The following SLF2 variants were observed in gnomAD, a reference collection of about 807,000 sequenced individuals.
The protein encoded by SLF2 is SMC5/6 complex localization factor 2.
A neutral mutation model predicts 124.3 loss-of-function variants in SLF2; 68 were observed. That is an observed-to-expected ratio of 0.55 (90% CI 0.45 to 0.67). SLF2 has a LOEUF of 0.67. Ranked by LOEUF, SLF2 falls within the 30% of genes least tolerant of loss-of-function variation. The pLI, the probability that SLF2 is intolerant of heterozygous loss-of-function variation, is 0.00. For synonymous variants in SLF2, 480 were observed against 478.8 expected (o/e 1.00, Z -0.03); for missense variants, 1,246 against 1,373.7 (o/e 0.91, Z 1.47).
intron 18 of SLF2, among the ~76,000 whole-genome samples, 188 bp from the exon 19 acceptor site, chr10:100,959,238 CTT>C (rs1284486717): frequency 2.0e-5 from 3 of 152,132 alleles, no homozygotes; most frequent in African/African-American, 2.4e-5. Context: ...TAAAGGGAGT[CTT>C]ATTAATTTCT....
chr10:100,957,802 A>G (rs1446829823), intron 18 of SLF2, among the ~76,000 whole-genome samples: 1 of 152,144 alleles, frequency 6.6e-6, no homozygotes, highest in South Asian at 2.1e-4. Context: ...ATGAGTATGG[A>G]GTAGGAAAAT....
At chr10:100,925,381 A>G (rs145931313) in intron 5 of SLF2, among the ~76,000 whole-genome samples, 3 of 152,368 alleles carry the variant, frequency 2.0e-5, no homozygotes, top group African/African-American at 4.8e-5. Context: ...TGGAGTCTCT[A>G]TAGAAGTTCC....
At chr10:100,947,656 C>G (rs1301954971) in intron 14 of SLF2, 104 bp from the exon 15 acceptor site, 6 of 703,914 alleles carry the variant, frequency 8.5e-6, no homozygotes, top group Non-Finnish European at 1.4e-5. Context: ...TGAAACATTG[C>G]CTATATTTCC....
chr10:100,959,136 G>A (rs973892873), intron 18 of SLF2, among the ~76,000 whole-genome samples: 1 of 152,192 alleles, frequency 6.6e-6, no homozygotes, highest in Non-Finnish European at 1.5e-5. Flanking sequence ...TTAAAGTTAA[G>A]TTCCTTTGAA....
chr10:100,932,772 G>A (rs537937480), intron 9 of SLF2, among the ~76,000 whole-genome samples: 3 of 151,968 alleles, frequency 2.0e-5, no homozygotes, highest in Non-Finnish European at 4.4e-5. Flanking sequence ...GATGATAAGT[G>A]CTATGAAGAA....
intron 15 of SLF2, 35 bp downstream of exon 15, chr10:100,947,882 GGAGAGGTAAT>G (rs746025288): frequency 3.0e-5 from 46 of 1,517,212 alleles, no homozygotes; most frequent in Non-Finnish European, 4.1e-5. Flanking sequence ...TTAATAAATG[GGAGAGGTAAT>G]GAGAGGTGTA....
At chr10:100,955,643 C>G (rs574080106) in intron 17 of SLF2, among the ~76,000 whole-genome samples, 56 of 152,258 alleles carry the variant, frequency 3.7e-4, no homozygotes, top group Non-Finnish European at 7.5e-4. Context: ...CGCGGTGGCT[C>G]ACACCTGTAA....
intron 6 of SLF2, among the ~76,000 whole-genome samples, chr10:100,927,311 CTG>C (rs3051160): frequency 0.43 from 65,482 of 151,812 alleles, 16,195 homozygotes; most frequent in Middle Eastern, 0.6. Context: ...ATGAAATTGA[CTG>C]TGTTTTAGTT....
chr10:100,940,426 C>G (rs1397460415), intron 11 of SLF2, among the ~76,000 whole-genome samples: 1 of 151,842 alleles, frequency 6.6e-6, no homozygotes, highest in East Asian at 1.9e-4. Context: ...GTGACACAAT[C>G]TCAGCTCACA....
At chr10:100,937,009 C>T (rs999007778) in intron 9 of SLF2, among the ~76,000 whole-genome samples, 1 of 152,092 alleles carries the variant, frequency 6.6e-6, no homozygotes, top group African/African-American at 2.4e-5. Context: ...ATGAGTACTA[C>T]TTCATAAGGT....
intron 13 of SLF2, among the ~76,000 whole-genome samples, 163 bp from the exon 14 acceptor site, chr10:100,946,876 T>C (rs1850114763): frequency 6.6e-6 from 1 of 152,272 alleles, no homozygotes; most frequent in South Asian, 2.1e-4. Flanking sequence ...AATCTGTGTA[T>C]TGTGTACATT....
intron 19 of SLF2, among the ~76,000 whole-genome samples, chr10:100,960,786 T>A (rs1000831535): frequency 6.6e-6 from 1 of 151,946 alleles, no homozygotes; most frequent in African/African-American, 2.4e-5. Flanking sequence ...TTTTTTTTGA[T>A]GTTATATCTA....
Position 100,956,552 on chromosome 10 carries a change from T to C in SLF2, c.3417+15T>C. The C allele has an allele frequency of 6.5e-7, 1 of 1,537,194 alleles. No individual in the cohort carries two copies. The highest frequency in any genetic ancestry group is 1.2e-5 in the South Asian group (1 of 83,460). On this transcript the variant is annotated intron_variant, in intron 18 of 19. Transcript: ENST00000238961. The stretch of plus-strand genomic sequence containing the variant: ...ACAGAACTAAGGTAAGTGTGTTCTT[T>C]CTTTTTTTCTTTTTTTTTTTCTTAA...
At chr10:100,913,361 T>G in intron 1 of SLF2, 111 bp downstream of exon 1, 1 of 1,373,104 alleles carries the variant, frequency 7.3e-7, no homozygotes, top group East Asian at 3.0e-5. Context: ...AGCTCAGGCG[T>G]TGGCATTTCG....
At chr10:100,925,724 G>A (rs988551623) in intron 5 of SLF2, among the ~76,000 whole-genome samples, 9 of 151,960 alleles carry the variant, frequency 5.9e-5, no homozygotes, top group African/African-American at 1.9e-4. Flanking sequence ...AAGTTAGCAG[G>A]GTTTTATAAG....
At chr10:100,961,644 G>A (rs1273451903) in intron 19 of SLF2, among the ~76,000 whole-genome samples, 1 of 152,098 alleles carries the variant, frequency 6.6e-6, no homozygotes, top group Non-Finnish European at 1.5e-5. Flanking sequence ...GCCCCTCCAT[G>A]TGTGCAGTGG....
At chr10:100,937,797 A>T (rs1589955938) in intron 10 of SLF2, among the ~76,000 whole-genome samples, 1 of 152,040 alleles carries the variant, frequency 6.6e-6, no homozygotes, top group Non-Finnish European at 1.5e-5. Context: ...TTTAGTAGAG[A>T]CAGGGTTTCA....
chr10:100,956,436 A>G lies in SLF2; in HGVS notation c.3331-15A>G. On this transcript the variant is annotated splice_polypyrimidine_tract_variant and intron_variant, in intron 17 of 19. Transcript: ENST00000238961. ...CTTCAGAATTGTTTTCATCCCTTGC[A>G]TTTGTTTTGCACAGAAACACTTTGT... The G allele has an allele frequency of 2.5e-6, 4 of 1,581,668 alleles. No individual in the cohort carries two copies. Among genetic ancestry groups the G allele is most frequent in the Non-Finnish European group, 3.4e-6 (4 of 1,165,616 alleles).
intron 4 of SLF2, among the ~76,000 whole-genome samples, chr10:100,919,714 A>G (rs1052376711): frequency 2.6e-5 from 4 of 152,220 alleles, no homozygotes; most frequent in African/African-American, 9.6e-5. Flanking sequence ...AAATTCCCAC[A>G]TTCAGTAAGA....
Sources: allele counts gnomAD v4.1 joint callset (sites outside exome capture counted in the v4.1 genomes callset), GRCh38; gene constraint gnomAD v4.1.1; transcripts MANE v1.5; gene names NCBI Gene and HGNC (gene_info 2026-07-23, HGNC 2026-07-21).